Variants in HS3ST5 observed in about 807,000 individuals in gnomAD.
The protein encoded by HS3ST5 is heparan sulfate glucosamine 3-O-sulfotransferase 5.
In HS3ST5, 10 loss-of-function variants were observed where a neutral mutation model predicts 25.4. The observed-to-expected ratio is 0.39, with a 90% CI of 0.24 to 0.67. The LOEUF (loss-of-function observed/expected upper bound fraction) is 0.67, where lower values mean the gene tolerates loss of function less well. HS3ST5 is among the 30% of genes least tolerant of loss of function. The pLI is 0.44. For synonymous variants in HS3ST5, 170 were observed against 162.4 expected, an observed-to-expected ratio of 1.05 and a Z score of -0.36; for missense variants, 324 against 420.7, an observed-to-expected ratio of 0.77 and a Z score of 2.01.
At chr6:114,141,731 G>A (rs1196806069) in intron 3 of HS3ST5, among the ~76,000 whole-genome samples, 12 of 152,168 alleles carry the variant, frequency 7.9e-5, no homozygotes, top group Non-Finnish European at 1.0e-4. Flanking sequence ...TTTGGAAGGC[G>A]AGGCTGAGAA....
intron 2 of HS3ST5, among the ~76,000 whole-genome samples, chr6:114,217,524 T>C (rs1465403120): frequency 6.6e-6 from 1 of 152,196 alleles, no homozygotes; most frequent in African/African-American, 2.4e-5. Context: ...GTTCAAAGTG[T>C]TCATGGCAAG....
chr6:114,126,377 T>A (rs959379292), intron 3 of HS3ST5, among the ~76,000 whole-genome samples: 33 of 152,062 alleles, frequency 2.2e-4, no homozygotes, highest in African/African-American at 7.2e-4. Flanking sequence ...ACCTTTCATC[T>A]CCCCTGTTCA....
chr6:114,257,418 ATT>A (rs1772979751), intron 1 of HS3ST5, among the ~76,000 whole-genome samples: 1 of 152,180 alleles, frequency 6.6e-6, no homozygotes, highest in Non-Finnish European at 1.5e-5. Context: ...TTTCCTCCCT[ATT>A]TTACAGAGAA....
chr6:114,183,151 G>T (rs1183616572), intron 2 of HS3ST5, among the ~76,000 whole-genome samples: 1 of 152,112 alleles, frequency 6.6e-6, no homozygotes, highest in Non-Finnish European at 1.5e-5. Context: ...ATAAGCCAAT[G>T]ATATGCTTTA....
chr6:114,118,312 A>G (rs1776629628), intron 3 of HS3ST5, among the ~76,000 whole-genome samples: 2 of 152,186 alleles, frequency 1.3e-5, no homozygotes, highest in South Asian at 4.1e-4. Context: ...GCATATAGAA[A>G]GGAGCCACTG....
At position 114,246,491 on chromosome 6, in the gene HS3ST5, A is replaced by T. The variant is rs75838649; in HGVS notation, c.-338-17713T>A. Among the ~76,000 whole-genome samples the T allele has an allele frequency of 1.2e-4, 18 of 152,328 alleles. No individual in the cohort carries two copies. In the East Asian group the frequency reaches 3.5e-3, roughly 29 times the overall value. Reference sequence around the variant, plus strand: ...GCTTCAACAACAATGTTCAAAGCAGACCTATTACAACTGGCTCTTGTACTC... The same window carrying T: ...GCTTCAACAACAATGTTCAAAGCAGTCCTATTACAACTGGCTCTTGTACTC... On this transcript the variant is annotated intron_variant, in intron 1 of 4. Coordinates refer to ENST00000312719, the MANE Select transcript of HS3ST5 (RefSeq NM_153612.4).
At chr6:114,114,642 T>C (rs1326893448) in intron 3 of HS3ST5, among the ~76,000 whole-genome samples, 1 of 152,100 alleles carries the variant, frequency 6.6e-6, no homozygotes, top group Non-Finnish European at 1.5e-5. Context: ...TTATTACACA[T>C]ATGTTTTTAT....
At chr6:114,301,136 A>T (rs1254138482) in intron 1 of HS3ST5, among the ~76,000 whole-genome samples, 3 of 152,200 alleles carry the variant, frequency 2.0e-5, no homozygotes, top group Non-Finnish European at 1.5e-5. Context: ...AAACTGCTGA[A>T]CTGTATGCTT....
intron 3 of HS3ST5, among the ~76,000 whole-genome samples, chr6:114,080,613 G>T (rs1376826181): frequency 6.6e-6 from 1 of 152,196 alleles, no homozygotes; most frequent in Non-Finnish European, 1.5e-5. Flanking sequence ...CATAAAAAAT[G>T]AAACCATGTT....
chr6:114,257,244 G>C (rs1262016071), intron 1 of HS3ST5, among the ~76,000 whole-genome samples: 1 of 152,108 alleles, frequency 6.6e-6, no homozygotes, highest in African/African-American at 2.4e-5. Flanking sequence ...AGGAAAGAGG[G>C]GATGCAGGGC....
At chr6:114,144,750 T>C (rs1778072272) in intron 3 of HS3ST5, among the ~76,000 whole-genome samples, 1 of 152,226 alleles carries the variant, frequency 6.6e-6, no homozygotes, top group Non-Finnish European at 1.5e-5. Flanking sequence ...AGCTAGGTCA[T>C]CTGAACCATG....
intron 2 of HS3ST5, among the ~76,000 whole-genome samples, chr6:114,203,217 T>C (rs1271714622): frequency 1.3e-5 from 2 of 152,184 alleles, no homozygotes; most frequent in African/African-American, 4.8e-5. Flanking sequence ...GAAACTGCCT[T>C]TGTAGTTTTA....
At chr6:114,228,217 C>A (rs771003138) in intron 2 of HS3ST5, among the ~76,000 whole-genome samples, 2 of 152,078 alleles carry the variant, frequency 1.3e-5, no homozygotes, top group Admixed American at 1.3e-4. Flanking sequence ...AGTGGATCTA[C>A]GTTTCTGTGA....
intron 3 of HS3ST5, among the ~76,000 whole-genome samples, chr6:114,090,958 A>G (rs1775088769): frequency 6.6e-6 from 1 of 152,194 alleles, no homozygotes; most frequent in Non-Finnish European, 1.5e-5. Context: ...TTTGTATCAA[A>G]CTTTTATTAC....
At chr6:114,161,576 A>T (rs1174954596) in intron 3 of HS3ST5, among the ~76,000 whole-genome samples, 13 of 50,674 alleles carry the variant, frequency 2.6e-4, no homozygotes, top group Non-Finnish European at 4.6e-4. Context: ...TATATATATA[A>T]AATGCAATGG....
At chr6:114,251,482 T>G (rs753390799) in intron 1 of HS3ST5, 1 of 152,176 alleles carries the variant, frequency 6.6e-6, no homozygotes, top group Non-Finnish European at 1.5e-5. Flanking sequence ...TTTTGTTGCT[T>G]CTCAGCATTT....
chr6:114,190,915 G>A, intron 2 of HS3ST5, among the ~76,000 whole-genome samples: 1 of 152,144 alleles, frequency 6.6e-6, no homozygotes, highest in Non-Finnish European at 1.5e-5. Flanking sequence ...ATCTGTCCTG[G>A]TTTCCACTTA....
chr6:114,205,948 G>C (rs980680195), intron 2 of HS3ST5, among the ~76,000 whole-genome samples: 1 of 152,122 alleles, frequency 6.6e-6, no homozygotes, highest in Admixed American at 6.5e-5. Flanking sequence ...ACCTCCTGCT[G>C]TGTGGCCTGG....
At chr6:114,180,912 G>A (rs995847393) in intron 2 of HS3ST5, among the ~76,000 whole-genome samples, 2 of 152,230 alleles carry the variant, frequency 1.3e-5, no homozygotes, top group East Asian at 3.9e-4. Context: ...AACCAAACAC[G>A]TTCAGTTTCT....
Sources: gnomAD v4.1 joint callset for allele counts (sites outside exome capture counted in the v4.1 genomes callset) on GRCh38, gnomAD v4.1.1 for gene constraint, MANE v1.5 for transcripts, NCBI Gene and HGNC (gene_info 2026-07-23, HGNC 2026-07-21) for gene names.